Variants in CDC14A observed in about 807,000 individuals in gnomAD.
CDC14A encodes the protein cell division cycle 14A, also known as dual specificity protein phosphatase CDC14A.
Under a neutral mutation model 74.4 loss-of-function variants are expected in CDC14A, and 53 were observed. The ratio of observed to expected loss-of-function variants is 0.71; its 90% CI spans 0.57 to 0.89. The LOEUF (loss-of-function observed/expected upper bound fraction) is 0.89. Ranked by LOEUF, CDC14A falls within the 40% of genes least tolerant of loss-of-function variation. The probability of loss-of-function intolerance (pLI) is 0.00; values close to 1 mark genes in which losing one functional copy is unlikely to be tolerated. For missense variants in CDC14A, 646 were observed against 713.7 expected, an observed-to-expected ratio of 0.91 and a Z score of 1.08; for synonymous variants, 247 against 258.4, an observed-to-expected ratio of 0.96 and a Z score of 0.43.
At chr1:100,414,496 T>A (rs1375142797) in intron 4 of CDC14A, among the ~76,000 whole-genome samples, 1 of 152,204 alleles carries the variant, frequency 6.6e-6, no homozygotes, top group Admixed American at 6.5e-5. Context: ...AAAGTTATGG[T>A]TCCTTGCCTT....
chr1:100,426,118 T>C (rs1385761050), intron 5 of CDC14A, among the ~76,000 whole-genome samples: 1 of 152,180 alleles, frequency 6.6e-6, no homozygotes, highest in African/African-American at 2.4e-5. Flanking sequence ...GTTAGTAACA[T>C]AATTAATAGT....
chr1:100,394,071 C>A, intron 4 of CDC14A: 1 of 224,884 alleles, frequency 4.4e-6, no homozygotes, highest in Non-Finnish European at 8.6e-6. Flanking sequence ...TTCTTTACCC[C>A]TTTTTCCCTC....
chr1:100,405,844 G>A (rs1245795111), intron 4 of CDC14A, among the ~76,000 whole-genome samples: 1 of 152,116 alleles, frequency 6.6e-6, no homozygotes, highest in Non-Finnish European at 1.5e-5. Flanking sequence ...GAACATACAC[G>A]TGCATGCATC....
At chr1:100,393,677 A>G in intron 4 of CDC14A, 2 of 492,186 alleles carry the variant, frequency 4.1e-6, no homozygotes, top group South Asian at 3.5e-5. Flanking sequence ...GTCAATATCA[A>G]TCAAGCGGTG....
intron 4 of CDC14A, among the ~76,000 whole-genome samples, chr1:100,420,082 A>ATATATATATATAGTGT (rs58124351): frequency 8.5e-5 from 9 of 105,546 alleles, no homozygotes; most frequent in Non-Finnish European, 1.4e-4. Context: ...ATATATATAT[A>ATATATATATATAGTGT]GTGTGTATGT....
At chr1:100,366,248 A>G (rs1221558927) in intron 2 of CDC14A, among the ~76,000 whole-genome samples, 1 of 152,198 alleles carries the variant, frequency 6.6e-6, no homozygotes, top group Non-Finnish European at 1.5e-5. Context: ...TTGTATTGCA[A>G]GTACTCTGTG....
intron 5 of CDC14A, among the ~76,000 whole-genome samples, chr1:100,431,842 TAA>T (rs373735907): frequency 5.6e-5 from 8 of 143,460 alleles, no homozygotes; most frequent in Non-Finnish European, 4.6e-5. Flanking sequence ...TCTCTGAAAT[TAA>T]AAAAAAAAAA....
rs1482824856 is a variant in CDC14A, at chr1:100,462,749, C to T, written c.706C>T (p.Arg236Cys). The part of the protein sequence containing the change: ...RLNKKIYEAK[R>C]FTDAGFEHYD... Reference sequence around the variant, plus strand: ...AAACAAAAAGATTTATGAGGCAAAGCGCTTCACAGACGCTGGCTTCGAGCA... The same window carrying T: ...AAACAAAAAGATTTATGAGGCAAAGTGCTTCACAGACGCTGGCTTCGAGCA... The change falls in exon 9 of 16, where the codon CGC becomes TGC. Residue 236 changes from arginine to cysteine, a missense_variant. Physicochemically the swap from Arg to Cys is radical, Grantham distance 180. Coordinates refer to ENST00000336454, the MANE Select transcript of CDC14A (RefSeq NM_003672.4). 5.6e-6 allele frequency: 9 copies of T among 1,613,972 alleles called. No individual in the cohort carries two copies. The highest frequency in any genetic ancestry group is 1.3e-5 in the African/African-American group (1 of 74,926).
intron 5 of CDC14A, among the ~76,000 whole-genome samples, chr1:100,433,836 T>C (rs1308895825): frequency 2.0e-5 from 3 of 152,188 alleles, no homozygotes; most frequent in Admixed American, 1.3e-4. Context: ...TAAAAAGTAT[T>C]TGCTGATTTC....
chr1:100,375,950 A>G (rs1045262933), intron 2 of CDC14A, among the ~76,000 whole-genome samples: 1 of 152,194 alleles, frequency 6.6e-6, no homozygotes, highest in Non-Finnish European at 1.5e-5. Context: ...CGTATACACC[A>G]TGGAATACTA....
intron 7 of CDC14A, among the ~76,000 whole-genome samples, chr1:100,448,841 T>G (rs1665827455): frequency 1.3e-5 from 2 of 152,228 alleles, no homozygotes; most frequent in African/African-American, 2.4e-5. Flanking sequence ...TCTTTTTTTG[T>G]TTTTTAGGAG....
In CDC14A at chr1:100,518,456, A is replaced by G. The variant is rs1035883685; in HGVS notation, c.*176A>G. 3.5e-6 allele frequency: 2 copies of G among 577,402 alleles called. No homozygotes were observed. Among genetic ancestry groups the G allele is most frequent in the African/African-American group, 1.9e-5 (1 of 52,768 alleles). 35.8% of individuals were successfully genotyped at this position (577,402 alleles called of 1,614,324 possible). On this transcript the variant is annotated 3_prime_UTR_variant, in exon 16 of 16. Coordinates refer to ENST00000336454, the MANE Select transcript of CDC14A (RefSeq NM_003672.4). ...AGACTTGAAAACAGAAAACTGGTTA[A>G]TGACTACTATAAATGCACTGAAACT...
intron 4 of CDC14A, among the ~76,000 whole-genome samples, chr1:100,416,659 C>T (rs1395231740): frequency 6.6e-6 from 1 of 152,072 alleles, no homozygotes; most frequent in Non-Finnish European, 1.5e-5. Flanking sequence ...CAGATTCACC[C>T]AGAGACAGAT....
upstream of CDC14A, among the ~76,000 whole-genome samples, chr1:100,350,279 G>C (rs1420127645): frequency 6.6e-6 from 1 of 151,610 alleles, no homozygotes; most frequent in Non-Finnish European, 1.5e-5. Context: ...TTTAAGTAGA[G>C]GCAAGGTTTC....
chr1:100,409,753 C>A (rs1205269845), intron 4 of CDC14A, among the ~76,000 whole-genome samples: 1 of 152,198 alleles, frequency 6.6e-6, no homozygotes, highest in Non-Finnish European at 1.5e-5. Context: ...AATTTGAAAT[C>A]AACTGCTTGT....
At chr1:100,381,539 T>A (rs1656097860) in intron 3 of CDC14A, among the ~76,000 whole-genome samples, 1 of 152,190 alleles carries the variant, frequency 6.6e-6, no homozygotes, top group Non-Finnish European at 1.5e-5. Flanking sequence ...TTTATATAGA[T>A]AGGTAATATT....
chr1:100,470,558 GAC>G (rs879902770), intron 10 of CDC14A, among the ~76,000 whole-genome samples: 74 of 152,072 alleles, frequency 4.9e-4, no homozygotes, highest in African/African-American at 1.5e-3. Context: ...CTAATTAAAA[GAC>G]ACACAGTATA....
intron 11 of CDC14A, 92 bp from the exon 12 acceptor site, chr1:100,494,726 T>G: frequency 1.6e-6 from 1 of 628,008 alleles, no homozygotes; most frequent in Non-Finnish European, 2.9e-6. Context: ...ATTAAGATAA[T>G]CTGTATAAAA....
At chr1:100,509,319 C>T (rs1649505863) in intron 15 of CDC14A, among the ~76,000 whole-genome samples, 1 of 152,188 alleles carries the variant, frequency 6.6e-6, no homozygotes. Context: ...TGGCCTTCCT[C>T]ATCCCTCTTT....
Sources: allele counts gnomAD v4.1 joint callset (sites outside exome capture counted in the v4.1 genomes callset), GRCh38; gene constraint gnomAD v4.1.1; transcripts MANE v1.5; gene names NCBI Gene and HGNC (gene_info 2026-07-23, HGNC 2026-07-21).